TMC1: variants seen among roughly 807,000 people sequenced by gnomAD.
TMC1 encodes the protein transmembrane channel-like protein 1.
In TMC1, 84 loss-of-function variants were observed where a neutral mutation model predicts 105.8. The observed-to-expected ratio is 0.79, with a 90% confidence interval of 0.67 to 0.95. TMC1 has a LOEUF of 0.95. Ranked by LOEUF, TMC1 falls within the 40% of genes least tolerant of loss-of-function variation. The probability of loss-of-function intolerance (pLI) is 0.00; values close to 1 mark genes in which losing one functional copy is unlikely to be tolerated. For synonymous variants in TMC1, 315 were observed against 311.5 expected (o/e 1.01, Z -0.12); for missense variants, 817 against 914.1 (o/e 0.89, Z 1.37).
chr9:72,685,478 C>T (rs1231020957), intron 5 of TMC1, among the ~76,000 whole-genome samples: 1 of 150,878 alleles, frequency 6.6e-6, no homozygotes, highest in Admixed American at 6.6e-5. Flanking sequence ...ATTCTCCTGA[C>T]TCAGCCTCCT....
intron 4 of TMC1, among the ~76,000 whole-genome samples, chr9:72,630,551 A>C (rs1457533217): frequency 6.6e-6 from 1 of 152,222 alleles, no homozygotes; most frequent in Non-Finnish European, 1.5e-5. Context: ...GCTATGGTAC[A>C]TCACTTTGAT....
At chr9:72,670,203 G>A (rs1333171070) in intron 5 of TMC1, among the ~76,000 whole-genome samples, 1 of 152,156 alleles carries the variant, frequency 6.6e-6, no homozygotes, top group African/African-American at 2.4e-5. Context: ...AAAAGGTTTA[G>A]AGGGACAAAT....
intron 12 of TMC1, among the ~76,000 whole-genome samples, chr9:72,765,817 G>A (rs1222192947): frequency 6.6e-6 from 1 of 152,154 alleles, no homozygotes; most frequent in East Asian, 1.9e-4. Flanking sequence ...CAAGTGGAGT[G>A]AGATGTGTAA....
intron 2 of TMC1, among the ~76,000 whole-genome samples, chr9:72,587,219 C>T (rs1218325430): frequency 6.6e-6 from 1 of 151,008 alleles, no homozygotes; most frequent in African/African-American, 2.4e-5. Flanking sequence ...AGTGCAATGG[C>T]TTGATCTCGA....
rs1450339716 is a variant in TMC1, at chr9:72,763,230, G to A, written c.741+8346G>A. Among the ~76,000 whole-genome samples the A allele has an allele frequency of 4.6e-5, 7 of 151,442 alleles. No homozygotes were observed. The East Asian group carries it at 1.4e-3, about 30-fold the overall frequency. On this transcript the variant is annotated intron_variant, in intron 12 of 23. Transcript: ENST00000297784. Reference sequence around the variant, plus strand: ...GATCCTAATGCTATACTTACAATATGAAAACAGCATTCCTTCTTTGGAAGT... The same window carrying A: ...GATCCTAATGCTATACTTACAATATAAAAACAGCATTCCTTCTTTGGAAGT...
chr9:72,686,627 G>A (rs757983397), intron 5 of TMC1, among the ~76,000 whole-genome samples: 76 of 152,076 alleles, frequency 5.0e-4, no homozygotes, highest in Admixed American at 1.4e-3. Flanking sequence ...CTTTGCTGAG[G>A]GTTTGAATCA....
rs555638169 is a variant in TMC1, at chr9:72,664,665, C to T, written c.16+16001C>T. On this transcript the variant is annotated intron_variant, in intron 5 of 23. Coordinates refer to ENST00000297784, the MANE Select transcript of TMC1 (RefSeq NM_138691.3). ...GAGAGGAGATCAGCTGCAGGACAGC[C>T]AAACTCCAGGGGAAGATCATCTCTC... Among the ~76,000 whole-genome samples, 18 of 152,256 alleles carry T rather than the reference C, an allele frequency of 1.2e-4. No individual in the cohort carries two copies. In the East Asian group the frequency reaches 3.1e-3, roughly 26 times the overall value.
intron 5 of TMC1, among the ~76,000 whole-genome samples, chr9:72,657,913 A>G (rs1825907986): frequency 6.6e-6 from 1 of 152,206 alleles, no homozygotes; most frequent in South Asian, 2.1e-4. Context: ...TTTGGAAATT[A>G]ATTTTTAGTA....
chr9:72,822,513 G>A (rs1015083724), intron 20 of TMC1, among the ~76,000 whole-genome samples: 4 of 117,904 alleles, frequency 3.4e-5, no homozygotes, highest in Non-Finnish European at 5.4e-5. Flanking sequence ...TGTTAATTCC[G>A]TTGTGTGTGT....
chr9:72,654,596 C>T (rs1399689449), intron 5 of TMC1, among the ~76,000 whole-genome samples: 1 of 152,004 alleles, frequency 6.6e-6, no homozygotes, highest in Non-Finnish European at 1.5e-5. Context: ...TTTTAGGAAC[C>T]TTACAGTGGT....
At chr9:72,819,976 C>T (rs931100740) in intron 19 of TMC1, among the ~76,000 whole-genome samples, 2 of 152,058 alleles carry the variant, frequency 1.3e-5, no homozygotes, top group African/African-American at 2.4e-5. Context: ...TCAACTAAGC[C>T]ATCAAGTAAA....
chr9:72,625,104 T>C (rs1248996426), intron 3 of TMC1, among the ~76,000 whole-genome samples: 1 of 152,198 alleles, frequency 6.6e-6, no homozygotes, highest in Non-Finnish European at 1.5e-5. Context: ...TGAATCTAAA[T>C]GGGCCTTTGT....
rs1254516996 is a variant in TMC1, at chr9:72,743,578, A to AAG, written c.535+1054_535+1055insGA. Among the ~76,000 whole-genome samples the AAG allele has an allele frequency of 3.3e-4, 50 of 149,372 alleles. 1 individual carries two copies. Among genetic ancestry groups the AAG allele is most frequent in the African/African-American group, 1.2e-3 (47 of 40,868 alleles). ...CCAGACTCTGTTTCAAAAAAAAAAA[A>AAG]AAAGAAAGAAAGAAAGAAAAAAAAC... On this transcript the variant is annotated intron_variant, in intron 10 of 23. Transcript: ENST00000297784.
intron 8 of TMC1, among the ~76,000 whole-genome samples, chr9:72,738,231 G>A (rs1301962272): frequency 6.6e-6 from 1 of 152,136 alleles, no homozygotes; most frequent in African/African-American, 2.4e-5. Context: ...CTTTACCACT[G>A]TGCCTATATT....
intron 5 of TMC1, among the ~76,000 whole-genome samples, chr9:72,663,311 T>G (rs530615561): frequency 5.4e-4 from 82 of 152,216 alleles, no homozygotes; most frequent in African/African-American, 1.9e-3. Context: ...TTGTCAGAAA[T>G]GCAAAAACCT....
intron 12 of TMC1, among the ~76,000 whole-genome samples, chr9:72,770,223 G>T (rs891356758): frequency 6.6e-6 from 1 of 151,386 alleles, no homozygotes; most frequent in Non-Finnish European, 1.5e-5. Flanking sequence ...TGGCATCCTA[G>T]TCAGGGTTCT....
At chr9:72,827,064 T>C in intron 21 of TMC1, 70 bp downstream of exon 21, 1 of 1,598,886 alleles carries the variant, frequency 6.3e-7, no homozygotes, top group Non-Finnish European at 8.6e-7. Flanking sequence ...CATTTCAGCT[T>C]TTTCAGCTCT....
chr9:72,685,878 G>A (rs961501013), intron 5 of TMC1, among the ~76,000 whole-genome samples: 6 of 152,136 alleles, frequency 3.9e-5, no homozygotes, highest in African/African-American at 1.4e-4. Flanking sequence ...CAGAGAAAAA[G>A]GCAATACCAT....
At chr9:72,608,112 T>A (rs1016841300) in intron 2 of TMC1, among the ~76,000 whole-genome samples, 1 of 152,130 alleles carries the variant, frequency 6.6e-6, no homozygotes, top group Non-Finnish European at 1.5e-5. Context: ...AATCTGTATT[T>A]CAGATCTGCT....
Sources: gnomAD v4.1 joint callset for allele counts (sites outside exome capture counted in the v4.1 genomes callset) on GRCh38, gnomAD v4.1.1 for gene constraint, MANE v1.5 for transcripts, NCBI Gene and HGNC (gene_info 2026-07-23, HGNC 2026-07-21) for gene names.